Variants in NLRP11 observed in about 807,000 individuals in gnomAD.
The protein encoded by NLRP11 is NLR family pyrin domain containing 11.
NLRP11 carries 53 observed loss-of-function variants against 79.3 expected under a neutral mutation model. That is an observed-to-expected ratio of 0.67 (90% CI 0.54 to 0.84). The LOEUF is 0.84. Among genes scored for constraint, NLRP11 ranks in the 40% least tolerant of loss-of-function variants. NLRP11 has a pLI of 0.00. For missense variants in NLRP11, 1,264 were observed against 1,255.0 expected, an observed-to-expected ratio of 1.01 and a Z score of -0.11; for synonymous variants, 518 against 462.6, an observed-to-expected ratio of 1.12 and a Z score of -1.54.
Position 55,795,911 on chromosome 19 carries a change from A to C in NLRP11, c.2342+169T>G, listed in dbSNP as rs73933394. ...GAAACATTTTTGCCAACGTTTCGCA[A>C]ATCAGCTGTCAACCCAGAGTATTAA... On this transcript the variant is annotated intron_variant, in intron 6 of 9. Transcript: ENST00000589093. Among the ~76,000 whole-genome samples, 5,368 of 152,298 alleles carry C rather than the reference A, an allele frequency of 0.035. 155 individuals are homozygous for C. The highest frequency in any genetic ancestry group is 0.077 in the African/African-American group (3,201 of 41,556).
At chr19:55,822,119 A>G (rs1230560570) in intron 1 of NLRP11, among the ~76,000 whole-genome samples, 1 of 152,188 alleles carries the variant, frequency 6.6e-6, no homozygotes, top group Non-Finnish European at 1.5e-5. Context: ...AAATTAGGCA[A>G]GCATGGTGGT....
chr19:55,821,169 A>G (rs1026955639), intron 1 of NLRP11, among the ~76,000 whole-genome samples: 2 of 151,402 alleles, frequency 1.3e-5, no homozygotes, highest in South Asian at 4.2e-4. Flanking sequence ...TATGCTAGGG[A>G]GAGGATGCCT....
intron 2 of NLRP11, among the ~76,000 whole-genome samples, chr19:55,815,721 A>G (rs1981053881): frequency 6.6e-6 from 1 of 152,194 alleles, no homozygotes; most frequent in South Asian, 2.1e-4. Flanking sequence ...AAAGAGTTTT[A>G]GACATAAAAT....
intron 5 of NLRP11, 97 bp downstream of exon 5, chr19:55,801,475 G>T: frequency 3.4e-6 from 3 of 878,656 alleles, no homozygotes; most frequent in Admixed American, 2.1e-5. Context: ...ACATCAAAAG[G>T]TAGGAGCAGG....
exon 3 of NLRP11, chr19:55,810,268 T>G: frequency 6.2e-7 from 1 of 1,614,028 alleles, no homozygotes; most frequent in Non-Finnish European, 8.5e-7. Context: ...AATGAAATTT[T>G]CCAAAAGTGT....
intron 5 of NLRP11, among the ~76,000 whole-genome samples, chr19:55,797,472 T>C (rs1403688203): frequency 1.3e-5 from 2 of 152,220 alleles, no homozygotes; most frequent in Non-Finnish European, 2.9e-5. Context: ...AGGCATTGTA[T>C]GAAGTTCCTG....
At position 55,809,710 on chromosome 19, in the gene NLRP11, C is replaced by G. The variant is rs147002516; in HGVS notation, c.900G>C (p.Leu300=). Residue 300 remains leucine, a synonymous_variant, in exon 3 of 10, where the codon CTG becomes CTC. Transcript: ENST00000589093. This position sits in a 1 kb window ranked among gnomAD's most constrained non-coding sequence, Gnocchi z 4.5. The stretch of plus-strand genomic sequence containing the variant: ...AATATATCTCCCTCTTCCCATTCGA[C>G]AGCTGCAAGGTCGTGCAGCAATCTA... 1 of 1,614,224 alleles carries G rather than the reference C, an allele frequency of 6.2e-7. No homozygotes were observed. Among genetic ancestry groups the G allele is most frequent in the Non-Finnish European group, 8.5e-7 (1 of 1,180,022 alleles).
intron 2 of NLRP11, among the ~76,000 whole-genome samples, chr19:55,816,045 T>G (rs1981079825): frequency 6.6e-6 from 1 of 152,322 alleles, no homozygotes; most frequent in South Asian, 2.1e-4. Context: ...TGCTATACTA[T>G]TTAATTGGGA....
chr19:55,807,821 A>T, intron 4 of NLRP11, 32 bp downstream of exon 4: 1 of 1,472,554 alleles, frequency 6.8e-7, no homozygotes, highest in Admixed American at 1.9e-5. Context: ...TCCTAGGGGA[A>T]CCTCTAAGGC....
In NLRP11 at chr19:55,817,754, T is replaced by C. The variant is rs1981278341; in HGVS notation, c.271+150A>G. The C allele has an allele frequency of 7.9e-6, 5 of 636,830 alleles. No individual in the cohort carries two copies. The Admixed American group carries it at 1.2e-4, about 16-fold the overall frequency. 39.4% of individuals were successfully genotyped at this position (636,830 alleles called of 1,614,324 possible). ...TCAGACGGTGGGGATGCCAAAGTTT[T>C]AGAAATCACCACTAAAGAACTTACT... On this transcript the variant is annotated intron_variant, in intron 2 of 9. Coordinates refer to ENST00000589093, the Ensembl canonical transcript of NLRP11.
upstream of NLRP11, chr19:55,832,979 C>G (rs1982929170): frequency 6.6e-6 from 1 of 152,092 alleles, no homozygotes. Flanking sequence ...AACTCTCTCC[C>G]CTTAAATCTA....
rs59055964 is a variant in NLRP11 at position 55,819,126 on chromosome 19, TACACACACACACACACACACACACACAC to T, written c.-62-918_-62-891del. On this transcript the variant is annotated intron_variant, in intron 1 of 9. Coordinates refer to ENST00000589093, the Ensembl canonical transcript of NLRP11. Reference sequence around the variant, plus strand: ...CCCCACTGTACTGAGTGGTATCGCCTACACACACACACACACACACACACACACACACACACACACACACACACACACA... The same window carrying T: ...CCCCACTGTACTGAGTGGTATCGCCTACACACACACACACACACACACACA... Among the ~76,000 whole-genome samples the T allele has an allele frequency of 4.5e-3, 469 of 105,258 alleles. 12 individuals carry two copies. The South Asian group carries it at 0.076, about 17-fold the overall frequency. 69.1% of individuals were successfully genotyped at this position (105,258 alleles called of 152,430 possible). A position where few individuals can be genotyped will look rare whatever the true frequency, so the allele number is the denominator to read the frequency against.
chr19:55,806,539 G>C (rs1980008287), intron 4 of NLRP11, among the ~76,000 whole-genome samples: 1 of 152,110 alleles, frequency 6.6e-6, no homozygotes, highest in Non-Finnish European at 1.5e-5. Context: ...CACCCTCAGA[G>C]GCACCATTGA....
intron 2 of NLRP11, among the ~76,000 whole-genome samples, chr19:55,813,990 G>T (rs1006655216): frequency 1.3e-5 from 2 of 152,140 alleles, no homozygotes; most frequent in African/African-American, 2.4e-5. Flanking sequence ...CTTTACGCCA[G>T]ACTGATATCA....
chr19:55,787,672 A>G (rs920111276), intron 9 of NLRP11, among the ~76,000 whole-genome samples: 1 of 152,180 alleles, frequency 6.6e-6, no homozygotes, highest in Non-Finnish European at 1.5e-5. Flanking sequence ...ATATGGTGAG[A>G]TGTCACTTTT....
rs141374575 is a variant in NLRP11, at chr19:55,813,576, G to A, written c.272-3238C>T. On this transcript the variant is annotated intron_variant, in intron 2 of 9. Transcript: ENST00000589093. ...CCAGAAGAGGTACTGGGTGAAGAAA[G>A]TGAAGAAAAGAAATCATATCTGATA... Among the ~76,000 whole-genome samples the A allele has an allele frequency of 7.9e-3, 1,197 of 152,278 alleles. 28 individuals carry two copies. The highest frequency in any genetic ancestry group is 0.027 in the African/African-American group (1,130 of 41,532).
chr19:55,812,626 C>G (rs889245165), intron 2 of NLRP11, among the ~76,000 whole-genome samples: 17 of 152,024 alleles, frequency 1.1e-4, no homozygotes, highest in African/African-American at 3.6e-4. Flanking sequence ...AAAAGGGAAG[C>G]CTTGTGCACG....
chr19:55,792,172 G>A (rs1203894853), intron 7 of NLRP11, 129 bp downstream of exon 7: 15 of 743,672 alleles, frequency 2.0e-5, no homozygotes, highest in Non-Finnish European at 3.0e-5. Flanking sequence ...CTATTCTGGG[G>A]AGCCCATGCT....
chr19:55,796,854 A>C lies in NLRP11; in HGVS notation c.2172-604T>G, dbSNP rs568180905. The stretch of plus-strand genomic sequence containing the variant: ...CAGGCATGCGTTACCACACCCGGCT[A>C]ATGTTTGTATTTTTAGTAGACACCA... On this transcript the variant is annotated intron_variant, in intron 5 of 9. Coordinates refer to ENST00000589093, the Ensembl canonical transcript of NLRP11. Among the ~76,000 whole-genome samples the C allele has an allele frequency of 8.0e-4, 122 of 151,728 alleles. 1 individual carries two copies. Among genetic ancestry groups the C allele is most frequent in the African/African-American group, 2.9e-3 (118 of 41,364 alleles).
Sources: gnomAD v4.1 joint callset for allele counts (sites outside exome capture counted in the v4.1 genomes callset) on GRCh38, gnomAD v4.1.1 for gene constraint, Gnocchi (gnomAD v3.1) non-coding constraint, MANE v1.5 for transcripts, NCBI Gene and HGNC (gene_info 2026-07-23, HGNC 2026-07-21) for gene names.